The following TCF20 variants were observed in gnomAD, a reference collection of about 807,000 sequenced individuals.
TCF20 encodes the protein SPRE-binding protein.
Under a neutral mutation model 148.6 loss-of-function variants are expected in TCF20, and 3 were observed. The observed-to-expected ratio is 0.02, with a 90% CI of 0.01 to 0.05. The LOEUF (loss-of-function observed/expected upper bound fraction) is 0.05. TCF20 is among the 10% of genes least tolerant of loss of function. The pLI is 1.00. For missense variants in TCF20, 2,350 were observed against 2,429.3 expected (o/e 0.97, Z 0.69); for synonymous variants, 1,049 against 909.5 (o/e 1.15, Z -2.76).
intron 3 of TCF20, among the ~76,000 whole-genome samples, chr22:42,171,522 T>C (rs1333176512): frequency 2.0e-5 from 3 of 151,950 alleles, no homozygotes; most frequent in East Asian, 1.9e-4. Context: ...TCTAAGAGAG[T>C]GGGCGGCAGC....
rs761734874 is a variant in TCF20 at position 42,215,034 on chromosome 22, T to C, written c.272A>G (p.Tyr91Cys). ...GFRKEAGDFY[Y>C]MAGNKDPVTT... ...CACGGGGTCTTTGTTGCCTGCCATG[T>C]AGTAAAAATCTCCAGCCTCTTTCCT... Residue 91 changes from tyrosine (Y) to cysteine (C), a missense_variant, in exon 2 of 6, where the codon TAC (tyrosine) becomes TGC (cysteine). Coordinates refer to ENST00000677622, the MANE Select transcript of TCF20 (RefSeq NM_001378418.1). The C allele has an allele frequency of 6.2e-7, 1 of 1,614,198 alleles. No individual in the cohort carries two copies. The highest frequency in any genetic ancestry group is 8.5e-7 in the Non-Finnish European group (1 of 1,180,036).
intron 1 of TCF20, among the ~76,000 whole-genome samples, chr22:42,309,010 C>T (rs919686565): frequency 1.3e-5 from 2 of 152,104 alleles, no homozygotes; most frequent in African/African-American, 4.8e-5. Flanking sequence ...CCAGGGAACA[C>T]GCCGGTGCCT....
intron 4 of TCF20, among the ~76,000 whole-genome samples, chr22:42,169,200 C>T (rs954169569): frequency 2.6e-4 from 40 of 151,894 alleles, no homozygotes; most frequent in African/African-American, 9.0e-4. Context: ...CAGTGGTCTC[C>T]GTTCTGATCC....
chr22:42,276,024 G>A (rs1926770981), intron 1 of TCF20, among the ~76,000 whole-genome samples: 1 of 152,160 alleles, frequency 6.6e-6, no homozygotes, highest in African/African-American at 2.4e-5. Context: ...TTTGTTATAA[G>A]ATGACAATAA....
chr22:42,216,107 T>TTTTTTTTTTTA, intron 1 of TCF20, among the ~76,000 whole-genome samples: 1 of 139,216 alleles, frequency 7.2e-6, no homozygotes, highest in South Asian at 2.3e-4. Flanking sequence ...TTTTTTTTTT[T>TTTTTTTTTTTA]GAGACAAGGT....
chr22:42,305,820 C>A (rs553636189), intron 1 of TCF20, among the ~76,000 whole-genome samples: 3 of 152,036 alleles, frequency 2.0e-5, no homozygotes, highest in South Asian at 2.1e-4. Flanking sequence ...CTCCCCCACC[C>A]CATCTCCATC....
upstream of TCF20, among the ~76,000 whole-genome samples, chr22:42,273,743 A>G (rs914130124): frequency 1.3e-5 from 2 of 152,102 alleles, no homozygotes; most frequent in Non-Finnish European, 2.9e-5. Flanking sequence ...CAGTGTATCA[A>G]TTCTAGAAAC....
At chr22:42,171,526 C>T (rs923430981) in intron 3 of TCF20, among the ~76,000 whole-genome samples, 2 of 152,140 alleles carry the variant, frequency 1.3e-5, no homozygotes, top group African/African-American at 2.4e-5. Context: ...AGAGAGTGGG[C>T]GGCAGCCTTC....
intron 1 of TCF20, among the ~76,000 whole-genome samples, chr22:42,258,544 C>T (rs1377297821): frequency 6.6e-6 from 1 of 152,202 alleles, no homozygotes; most frequent in African/African-American, 2.4e-5. Flanking sequence ...GCTCTGGTTT[C>T]ACATACACTT....
intron 1 of TCF20, among the ~76,000 whole-genome samples, chr22:42,223,164 T>TA (rs1922536768): frequency 6.6e-6 from 1 of 152,158 alleles, no homozygotes; most frequent in Non-Finnish European, 1.5e-5. Context: ...AATAAATAAA[T>TA]AATTGCCATT....
intron 2 of TCF20, among the ~76,000 whole-genome samples, chr22:42,196,365 G>A (rs983227486): frequency 6.6e-5 from 10 of 152,214 alleles, no homozygotes; most frequent in Non-Finnish European, 1.2e-4. Flanking sequence ...CTCTGAAGAG[G>A]AGGGAGACAC....
intron 1 of TCF20, among the ~76,000 whole-genome samples, chr22:42,341,255 T>C (rs1449315473): frequency 2.0e-5 from 3 of 152,108 alleles, no homozygotes; most frequent in African/African-American, 4.8e-5. Context: ...GACACGCTAA[T>C]GAAGATGGCC....
chr22:42,223,070 G>A (rs1210498256), intron 1 of TCF20, among the ~76,000 whole-genome samples: 2 of 152,154 alleles, frequency 1.3e-5, no homozygotes, highest in East Asian at 3.8e-4. Context: ...GATCACTTGA[G>A]CCTGGGAGGC....
At chr22:42,261,821 T>C (rs1330662197) in intron 1 of TCF20, among the ~76,000 whole-genome samples, 1 of 152,074 alleles carries the variant, frequency 6.6e-6, no homozygotes, top group Non-Finnish European at 1.5e-5. Context: ...GTGGAACCTG[T>C]CTCTACTAAA....
At chr22:42,229,910 T>C (rs555035269) in intron 1 of TCF20, among the ~76,000 whole-genome samples, 2 of 152,194 alleles carry the variant, frequency 1.3e-5, no homozygotes, top group African/African-American at 2.4e-5. Context: ...CCATGTATTG[T>C]TGAAGGCATG....
intron 1 of TCF20, chr22:42,278,498 G>A (rs1244746341): frequency 6.6e-6 from 1 of 152,236 alleles, no homozygotes; most frequent in Non-Finnish European, 1.5e-5. Flanking sequence ...CCAGCAGTGG[G>A]AGCCAACACA....
At chr22:42,226,681 C>T (rs554170550) in intron 1 of TCF20, among the ~76,000 whole-genome samples, 3 of 152,046 alleles carry the variant, frequency 2.0e-5, no homozygotes, top group Admixed American at 6.6e-5. Flanking sequence ...CTCCATCCAG[C>T]GTGGGTGACA....
At chr22:42,184,555 A>G (rs754972122) in intron 2 of TCF20, among the ~76,000 whole-genome samples, 18 of 152,140 alleles carry the variant, frequency 1.2e-4, no homozygotes, top group Non-Finnish European at 2.5e-4. Flanking sequence ...CTATGCTACA[A>G]ATAATATATT....
At chr22:42,267,189 C>A (rs896407517) in intron 1 of TCF20, among the ~76,000 whole-genome samples, 40 of 152,110 alleles carry the variant, frequency 2.6e-4, no homozygotes, top group Non-Finnish European at 3.1e-4. Flanking sequence ...CTCGCTTGAA[C>A]CCTGGAGGCT....
Sources: gnomAD v4.1 joint callset for allele counts (sites outside exome capture counted in the v4.1 genomes callset) on GRCh38, gnomAD v4.1.1 for gene constraint, MANE v1.5 for transcripts, NCBI Gene and HGNC (gene_info 2026-07-23, HGNC 2026-07-21) for gene names.